ATXN8OS: variants seen among roughly 807,000 people sequenced by gnomAD.
ATXN8OS encodes the protein ATXN8 opposite strand lncRNA.
At chr13:70,166,958 A>G (rs982472992) in intron 4 of ATXN8OS, among the ~76,000 whole-genome samples, 7 of 151,694 alleles carry the variant, frequency 4.6e-5, no homozygotes, top group Non-Finnish European at 8.8e-5. Flanking sequence ...AATCAAAACC[A>G]CAATGAGATA....
chr13:70,159,196 TCTC>T (rs796673768), intron 4 of ATXN8OS, among the ~76,000 whole-genome samples: 40 of 136,922 alleles, frequency 2.9e-4, no homozygotes, highest in African/African-American at 7.7e-4. Flanking sequence ...TCTCTCTCTC[TCTC>T]ACTTTTTATT....
chr13:70,138,043 C>G (rs938369709), intron 3 of ATXN8OS, among the ~76,000 whole-genome samples: 1 of 152,176 alleles, frequency 6.6e-6, no homozygotes, highest in Non-Finnish European at 1.5e-5. Flanking sequence ...ATCACGAGAA[C>G]AACATGGCGG....
chr13:70,162,484 C>T (rs1248681972), intron 4 of ATXN8OS, among the ~76,000 whole-genome samples: 1 of 152,038 alleles, frequency 6.6e-6, no homozygotes, highest in Admixed American at 6.6e-5. Context: ...TCTGTTTGTG[C>T]AACCCAAGCA....
intron 3 of ATXN8OS, among the ~76,000 whole-genome samples, chr13:70,137,996 C>T (rs1395809544): frequency 6.6e-6 from 1 of 152,152 alleles, no homozygotes; most frequent in Non-Finnish European, 1.5e-5. Context: ...GGAAGTGCTA[C>T]ACACTTTTAA....
rs544422987 is a variant in ATXN8OS, at chr13:70,120,605, C to T, written n.398+5307C>T. 3.3e-5 allele frequency among the ~76,000 whole-genome samples: 5 copies of T among 152,096 alleles called. No homozygotes were observed. In the East Asian group the frequency reaches 7.7e-4, roughly 23 times the overall value. On this transcript the variant is annotated intron_variant and non_coding_transcript_variant, in intron 2 of 4. Transcript: ENST00000678624. ...TTGCACTTTATTTAGTGAGAAAAAC[C>T]GTAAAGAACTAAACAATAAAAATAG...
In ATXN8OS at chr13:70,153,014, CTGTGTGTG is replaced by C. The variant is rs66574752; in HGVS notation, n.573+5620_573+5627del. On this transcript the variant is annotated intron_variant and non_coding_transcript_variant, in intron 4 of 4. Coordinates refer to ENST00000678624, the Ensembl canonical transcript of ATXN8OS. ...GAGTTAGAGAATGAATAAGAAAAAACTGTGTGTGTGTGTGTGTGTGTGTGTGTGTGTGT... is the reference window on the plus strand; with the variant it reads ...GAGTTAGAGAATGAATAAGAAAAAACTGTGTGTGTGTGTGTGTGTGTGTGT... Among the ~76,000 whole-genome samples the C allele has an allele frequency of 1.7e-3, 238 of 141,802 alleles. No homozygotes were observed. In the South Asian group the frequency reaches 0.021, roughly 12 times the overall value. 93.0% of individuals were successfully genotyped at this position (141,802 alleles called of 152,430 possible).
chr13:70,170,718 T>C lies in ATXN8OS; in HGVS notation n.1539T>C, dbSNP rs550947511. ...TAAATTTATTTACATATAAAATGAA[T>C]ACAATACAGTCACGCATCATTTAAC... On this transcript the variant is annotated non_coding_transcript_exon_variant, in exon 5 of 5. Transcript: ENST00000678624. Among the ~76,000 whole-genome samples the C allele has an allele frequency of 1.1e-4, 16 of 152,260 alleles. 1 individual carries two copies. Among genetic ancestry groups the C allele is most frequent in the South Asian group, 4.1e-4 (2 of 4,832 alleles).
intron 1 of ATXN8OS, chr13:70,108,108 A>T (rs1888122628): frequency 2.4e-6 from 1 of 409,528 alleles, no homozygotes; most frequent in Non-Finnish European, 4.3e-6. Context: ...GATACACCTC[A>T]CTGGGATGCG....
intron 4 of ATXN8OS, among the ~76,000 whole-genome samples, chr13:70,162,407 C>G (rs139062433): frequency 6.6e-6 from 1 of 152,102 alleles, no homozygotes; most frequent in Admixed American, 6.6e-5. Flanking sequence ...ACCAATCCCA[C>G]AGGGAGAAAT....
chr13:70,129,162 C>T (rs897765226), intron 2 of ATXN8OS, among the ~76,000 whole-genome samples: 2 of 151,782 alleles, frequency 1.3e-5, no homozygotes, highest in African/African-American at 2.4e-5. Context: ...GCCGGGCCCA[C>T]AAAAATCAAT....
At chr13:70,140,281 C>T (rs1471957287) in intron 3 of ATXN8OS, among the ~76,000 whole-genome samples, 3 of 151,906 alleles carry the variant, frequency 2.0e-5, no homozygotes, top group African/African-American at 7.2e-5. Context: ...TTTGTATTTT[C>T]TGACCATCTT....
intron 2 of ATXN8OS, among the ~76,000 whole-genome samples, chr13:70,119,381 A>C: frequency 6.6e-6 from 1 of 152,116 alleles, no homozygotes; most frequent in East Asian, 1.9e-4. Flanking sequence ...GCAACATAAT[A>C]ACTCTTAAAG....
At chr13:70,120,995 A>C (rs1045426872) in intron 2 of ATXN8OS, among the ~76,000 whole-genome samples, 1 of 152,020 alleles carries the variant, frequency 6.6e-6, no homozygotes, top group East Asian at 1.9e-4. Flanking sequence ...TGGGTGCAGC[A>C]CACCAACATG....
intron 2 of ATXN8OS, among the ~76,000 whole-genome samples, chr13:70,121,635 T>C (rs1412899004): frequency 1.3e-5 from 2 of 152,168 alleles, no homozygotes; most frequent in African/African-American, 4.8e-5. Flanking sequence ...AGATGAGCTC[T>C]CTTAATTTAG....
At chr13:70,129,027 A>AT (rs373061669) in intron 2 of ATXN8OS, among the ~76,000 whole-genome samples, 1 of 151,880 alleles carries the variant, frequency 6.6e-6, no homozygotes, top group Non-Finnish European at 1.5e-5. Flanking sequence ...CGCCCAGCTA[A>AT]TTTTTTGTAT....
At position 70,158,782 on chromosome 13, in the gene ATXN8OS, A is replaced by G. The variant is rs1245933185; in HGVS notation, n.574-10971A>G. On this transcript the variant is annotated intron_variant and non_coding_transcript_variant, in intron 4 of 4. Transcript: ENST00000678624. ...TCATATACTTTTCATATATCATGCA[A>G]TATCTCTTGATTTTTGCCCTGACCG... Among the ~76,000 whole-genome samples, 4 of 152,294 alleles carry G rather than the reference A, an allele frequency of 2.6e-5. No homozygotes were observed. The East Asian group carries it at 5.8e-4, about 22-fold the overall frequency.
At chr13:70,110,548 C>A (rs955994479) in intron 1 of ATXN8OS, among the ~76,000 whole-genome samples, 4 of 146,502 alleles carry the variant, frequency 2.7e-5, no homozygotes, top group African/African-American at 7.6e-5. Flanking sequence ...GTGAGAAGGA[C>A]GAGAAGAGAA....
In ATXN8OS at chr13:70,167,723, C is replaced by CTTTTTTTTTTTTTTTTTTT. The variant is rs4053603; in HGVS notation, n.574-2022_574-2004dup. ...AATACTATCACAACATATGTAACTT[C>CTTTTTTTTTTTTTTTTTTT]TTTTTTTTTTTTTTTTTTTTTTTTT... On this transcript the variant is annotated intron_variant and non_coding_transcript_variant, in intron 4 of 4. Transcript: ENST00000678624. Among the ~76,000 whole-genome samples, 10 of 61,896 alleles carry CTTTTTTTTTTTTTTTTTTT rather than the reference C, an allele frequency of 1.6e-4. 3 individuals are homozygous for CTTTTTTTTTTTTTTTTTTT. The highest frequency in any genetic ancestry group is 5.0e-4 in the African/African-American group (9 of 17,844). 40.6% of individuals were successfully genotyped at this position (61,896 alleles called of 152,430 possible).
chr13:70,118,648 C>A (rs1888315845), intron 2 of ATXN8OS, among the ~76,000 whole-genome samples: 1 of 151,946 alleles, frequency 6.6e-6, no homozygotes, highest in South Asian at 2.1e-4. Flanking sequence ...GCTAACTTTT[C>A]TACACTTATG....
Sources: allele counts gnomAD v4.1 joint callset (sites outside exome capture counted in the v4.1 genomes callset), GRCh38; gene constraint gnomAD v4.1.1; transcripts MANE v1.5; gene names NCBI Gene and HGNC (gene_info 2026-07-23, HGNC 2026-07-21).